FHIT: variants seen among roughly 807,000 people sequenced by gnomAD.
FHIT encodes bis(5'-adenosyl)-triphosphatase.
A neutral mutation model predicts 17.9 loss-of-function variants in FHIT; 19 were observed. The ratio of observed to expected loss-of-function variants is 1.06; its 90% confidence interval spans 0.74 to 1.56. The LOEUF (loss-of-function observed/expected upper bound fraction) is 1.56. Among genes scored for constraint, FHIT ranks in the 40% most tolerant of loss-of-function variants. FHIT has a pLI of 0.00. For missense variants in FHIT, 248 were observed against 189.2 expected (o/e 1.31, Z -1.82); for synonymous variants, 81 against 69.7 (o/e 1.16, Z -0.81).
chr3:60,109,146 A>G (rs879450452), intron 5 of FHIT, among the ~76,000 whole-genome samples: 6 of 152,122 alleles, frequency 3.9e-5, no homozygotes, highest in Non-Finnish European at 8.8e-5. Context: ...GGGCAGGGAG[A>G]GAGAGAGATT....
rs140136950 is a variant in FHIT, at chr3:60,605,111, C to CAG, written c.-17-68134_-17-68133dup. Among the ~76,000 whole-genome samples the CAG allele has an allele frequency of 2.3e-3, 350 of 150,192 alleles. 2 individuals carry two copies. Among genetic ancestry groups the CAG allele is most frequent in the African/African-American group, 6.6e-3 (270 of 41,132 alleles). ...GATTCTATACTCAAACACACACACA[C>CAG]AGAGAGAGAGAGAGAGAGATGCAGT... On this transcript the variant is annotated intron_variant, in intron 4 of 9. Transcript: ENST00000492590.
chr3:60,541,479 T>C (rs1431273681), intron 4 of FHIT, among the ~76,000 whole-genome samples: 2 of 152,166 alleles, frequency 1.3e-5, no homozygotes, highest in African/African-American at 4.8e-5. Context: ...CCCCACCATA[T>C]TCTACATGTG....
Position 60,037,644 on chromosome 3 carries a change from A to G in FHIT, c.104-23492T>C, listed in dbSNP as rs148005961. Among the ~76,000 whole-genome samples, 1,257 of 152,058 alleles carry G rather than the reference A, an allele frequency of 8.3e-3. 23 individuals carry two copies. Among genetic ancestry groups the G allele is most frequent in the African/African-American group, 0.027 (1,108 of 41,472 alleles). Reference sequence around the variant, plus strand: ...TGATCCGCCCGACTTGGCCTCTCAAAGTGCTGGGATTACAGGCATGAGCCA... The same window carrying G: ...TGATCCGCCCGACTTGGCCTCTCAAGGTGCTGGGATTACAGGCATGAGCCA... On this transcript the variant is annotated intron_variant, in intron 5 of 9. Coordinates refer to ENST00000492590, the MANE Select transcript of FHIT (RefSeq NM_002012.4).
chr3:60,425,208 C>T (rs1702618279), intron 5 of FHIT, among the ~76,000 whole-genome samples: 1 of 152,270 alleles, frequency 6.6e-6, no homozygotes, highest in Admixed American at 6.5e-5. Context: ...GAAGTGAATA[C>T]AGGGCTGACT....
chr3:60,982,950 T>G (rs1559885971), intron 3 of FHIT, among the ~76,000 whole-genome samples: 1 of 152,160 alleles, frequency 6.6e-6, no homozygotes. Flanking sequence ...GTCCTCTTTC[T>G]GTGGAGGTCA....
chr3:59,968,989 C>T (rs1217577145), intron 7 of FHIT, among the ~76,000 whole-genome samples: 1 of 152,164 alleles, frequency 6.6e-6, no homozygotes, highest in African/African-American at 2.4e-5. Flanking sequence ...AGCATCATCA[C>T]AGTCAACTGC....
chr3:59,869,500 T>TTTTTTTTTTTTTTTG (rs1553701528), intron 8 of FHIT, among the ~76,000 whole-genome samples: 1 of 145,820 alleles, frequency 6.9e-6, no homozygotes, highest in African/African-American at 2.6e-5. Context: ...TTTTTTTTTT[T>TTTTTTTTTTTTTTTG]AGACAGAGTC....
chr3:60,685,005 A>T (rs1405033780), intron 4 of FHIT, among the ~76,000 whole-genome samples: 1 of 152,182 alleles, frequency 6.6e-6, no homozygotes, highest in Non-Finnish European at 1.5e-5. Flanking sequence ...GAGGGAAAGT[A>T]GCGTTCTTAT....
At chr3:59,835,831 A>G (rs1468557977) in intron 8 of FHIT, among the ~76,000 whole-genome samples, 1 of 152,178 alleles carries the variant, frequency 6.6e-6, no homozygotes, top group African/African-American at 2.4e-5. Flanking sequence ...TAAGATCTGG[A>G]GGGAATTGAA....
intron 7 of FHIT, among the ~76,000 whole-genome samples, chr3:59,998,267 C>T (rs965280726): frequency 6.6e-6 from 1 of 152,114 alleles, no homozygotes; most frequent in African/African-American, 2.4e-5. Flanking sequence ...TGATGCAATG[C>T]CATGAGAGGC....
chr3:59,925,814 C>A (rs996040581), intron 7 of FHIT, among the ~76,000 whole-genome samples: 3 of 152,184 alleles, frequency 2.0e-5, no homozygotes, highest in Non-Finnish European at 2.9e-5. Context: ...ACCCACTCAG[C>A]TTCTCAGAAC....
intron 5 of FHIT, among the ~76,000 whole-genome samples, chr3:60,339,768 T>C (rs907570007): frequency 6.6e-6 from 1 of 152,192 alleles, no homozygotes; most frequent in African/African-American, 2.4e-5. Context: ...CAACTCAAGC[T>C]CTGGTGTTCC....
intron 5 of FHIT, among the ~76,000 whole-genome samples, chr3:60,420,855 C>T (rs925616922): frequency 1.3e-5 from 2 of 152,132 alleles, no homozygotes; most frequent in African/African-American, 4.8e-5. Context: ...TAGGAAAATA[C>T]ATGCTTTCAT....
At chr3:60,387,446 T>C (rs1576580966) in intron 5 of FHIT, among the ~76,000 whole-genome samples, 1 of 152,200 alleles carries the variant, frequency 6.6e-6, no homozygotes, top group East Asian at 1.9e-4. Context: ...GTGCCTAGCA[T>C]CTAACAGGCT....
chr3:61,162,584 T>G (rs1240401266), intron 2 of FHIT, among the ~76,000 whole-genome samples: 1 of 152,214 alleles, frequency 6.6e-6, no homozygotes, highest in East Asian at 1.9e-4. Flanking sequence ...ATATTATGAT[T>G]CAAGCATTTG....
chr3:60,731,204 T>A (rs1466485618), intron 4 of FHIT, among the ~76,000 whole-genome samples: 2 of 151,974 alleles, frequency 1.3e-5, no homozygotes. Context: ...CATATCTGAG[T>A]CATGCGTCAT....
intron 5 of FHIT, among the ~76,000 whole-genome samples, chr3:60,494,944 G>A (rs767183794): frequency 2.8e-4 from 43 of 152,260 alleles, no homozygotes; most frequent in Non-Finnish European, 4.4e-4. Flanking sequence ...ACACGGGAGC[G>A]CAGATCGCTC....
At chr3:60,354,155 T>G (rs1057280203) in intron 5 of FHIT, among the ~76,000 whole-genome samples, 2 of 152,156 alleles carry the variant, frequency 1.3e-5, no homozygotes, top group African/African-American at 4.8e-5. Flanking sequence ...GCTTGTAACA[T>G]ATTAAATGAA....
chr3:60,317,955 C>A (rs1423267407), intron 5 of FHIT, among the ~76,000 whole-genome samples: 1 of 151,810 alleles, frequency 6.6e-6, no homozygotes, highest in South Asian at 2.1e-4. Flanking sequence ...CACACCCAGA[C>A]AATTTTTATA....
Sources: allele counts gnomAD v4.1 joint callset (sites outside exome capture counted in the v4.1 genomes callset), GRCh38; gene constraint gnomAD v4.1.1; transcripts MANE v1.5; gene names NCBI Gene and HGNC (gene_info 2026-07-23, HGNC 2026-07-21).